Variants in NCAM2 observed in about 807,000 individuals in gnomAD.
NCAM2 encodes the protein neural cell adhesion molecule 2, also known as N-CAM-2.
NCAM2 carries 30 observed loss-of-function variants against 98.1 expected under a neutral mutation model. That is an observed-to-expected ratio of 0.31 (90% CI 0.23 to 0.41). NCAM2 has a LOEUF of 0.41. Among genes scored for constraint, NCAM2 ranks in the 10% least tolerant of loss-of-function variants. The pLI, the probability that NCAM2 is intolerant of heterozygous loss-of-function variation, is 1.00. For missense variants in NCAM2, 867 were observed against 1,005.8 expected (o/e 0.86, Z 1.87); for synonymous variants, 368 against 342.4 (o/e 1.07, Z -0.83).
At chr21:21,291,058 C>A (rs1368184695) in intron 4 of NCAM2, among the ~76,000 whole-genome samples, 1 of 151,326 alleles carries the variant, frequency 6.6e-6, no homozygotes, top group African/African-American at 2.4e-5. Context: ...CAAAGGTAAA[C>A]AATAGACTGT....
rs1377335511 is a variant in NCAM2 at position 21,403,406 on chromosome 21, A to T, written c.1196-6868A>T. Among the ~76,000 whole-genome samples, 3 of 152,182 alleles carry T rather than the reference A, an allele frequency of 2.0e-5. No homozygotes were observed. The East Asian group carries it at 5.8e-4, about 29-fold the overall frequency. The stretch of plus-strand genomic sequence containing the variant: ...AGTAATTTGCATGAAATAAACTACC[A>T]GTGATAATTTGGGACAGTGGTTGCC... On this transcript the variant is annotated intron_variant, in intron 9 of 17. Transcript: ENST00000400546.
intron 5 of NCAM2, among the ~76,000 whole-genome samples, chr21:21,293,849 G>A (rs1375738178): frequency 6.6e-6 from 1 of 151,230 alleles, no homozygotes; most frequent in African/African-American, 2.4e-5. Flanking sequence ...TGTTAAGTAC[G>A]TACTTATGAA....
chr21:21,175,537 A>G lies in NCAM2; in HGVS notation c.56-105041A>G, dbSNP rs2068257667. Among the ~76,000 whole-genome samples, 3 of 151,574 alleles carry G rather than the reference A, an allele frequency of 2.0e-5. No homozygotes were observed. The South Asian group carries it at 6.2e-4, about 31-fold the overall frequency. ...TACAGAGCGAGACTCCGTCTCAAAA[A>G]AAATAAAAAAAAATAAAATAATAAA... On this transcript the variant is annotated intron_variant, in intron 1 of 17. Transcript: ENST00000400546.
At chr21:21,379,920 A>G (rs912999746) in intron 9 of NCAM2, among the ~76,000 whole-genome samples, 3 of 152,276 alleles carry the variant, frequency 2.0e-5, no homozygotes, top group Admixed American at 6.6e-5. Context: ...TCCGAGTCCC[A>G]TAGCTGAAGA....
Position 21,508,838 on chromosome 21 carries a change from T to TAATAAAACA in NCAM2, c.2078-13_2078-12insAATAAAACA. 1 of 1,112,132 alleles carries TAATAAAACA rather than the reference T, an allele frequency of 9.0e-7. No individual in the cohort carries two copies. 68.9% of individuals were successfully genotyped at this position (1,112,132 alleles called of 1,614,324 possible). ...TTTTTTTTTTTTTTTTTTTTTTTTT[T>TAATAAAACA]TTACTTTTTAAGACACGCTGTTTAA... On this transcript the variant is annotated splice_polypyrimidine_tract_variant and intron_variant, in intron 15 of 17. Transcript: ENST00000400546.
At chr21:21,257,946 A>G (rs2071739764) in intron 1 of NCAM2, among the ~76,000 whole-genome samples, 1 of 152,222 alleles carries the variant, frequency 6.6e-6, no homozygotes, top group Non-Finnish European at 1.5e-5. Context: ...AGATCCACAT[A>G]TGTAGGCTTG....
At chr21:21,099,418 A>G (rs1340128319) in intron 1 of NCAM2, among the ~76,000 whole-genome samples, 1 of 151,900 alleles carries the variant, frequency 6.6e-6, no homozygotes, top group Non-Finnish European at 1.5e-5. Flanking sequence ...ACAGTTCTGC[A>G]TGACTGGGGA....
rs191230494 is a variant in NCAM2, at chr21:21,288,323, G to A, written c.481+1911G>A. 7.8e-4 allele frequency among the ~76,000 whole-genome samples: 118 copies of A among 151,910 alleles called. 1 individual carries two copies. The highest frequency in any genetic ancestry group is 2.6e-3 in the African/African-American group (108 of 41,494). Reference sequence around the variant, plus strand: ...GTTAAGTGAATGAATAAAATATATGGCTATATATTAGATTCTTAATAAATG... The same window carrying A: ...GTTAAGTGAATGAATAAAATATATGACTATATATTAGATTCTTAATAAATG... On this transcript the variant is annotated intron_variant, in intron 4 of 17. Transcript: ENST00000400546.
intron 1 of NCAM2, among the ~76,000 whole-genome samples, chr21:21,036,014 A>C (rs2064789937): frequency 6.6e-6 from 1 of 152,204 alleles, no homozygotes; most frequent in African/African-American, 2.4e-5. Flanking sequence ...TGCTTCCCAC[A>C]TAATTTAACA....
intron 5 of NCAM2, among the ~76,000 whole-genome samples, chr21:21,298,255 AT>A (rs2073565601): frequency 6.6e-6 from 1 of 151,774 alleles, no homozygotes; most frequent in African/African-American, 2.4e-5. Flanking sequence ...GAAAGAGTGA[AT>A]TTGTCTCTTG....
intron 1 of NCAM2, among the ~76,000 whole-genome samples, chr21:21,257,234 C>A (rs1311358650): frequency 6.6e-6 from 1 of 152,120 alleles, no homozygotes; most frequent in East Asian, 1.9e-4. Context: ...GGAATACAAC[C>A]AAATTTATCT....
chr21:21,446,076 C>T (rs1451288793), intron 12 of NCAM2, among the ~76,000 whole-genome samples: 1 of 151,874 alleles, frequency 6.6e-6, no homozygotes, highest in Non-Finnish European at 1.5e-5. Context: ...GATTTTTTTT[C>T]TCCTTCAGTT....
At chr21:21,177,159 CT>C (rs1345946091) in intron 1 of NCAM2, among the ~76,000 whole-genome samples, 2 of 152,036 alleles carry the variant, frequency 1.3e-5, no homozygotes, top group Non-Finnish European at 2.9e-5. Flanking sequence ...TTCAAGAAAT[CT>C]TTAGATACAG....
chr21:21,068,747 T>C lies in NCAM2; in HGVS notation c.55+70129T>C, dbSNP rs1338962235. 2.6e-5 allele frequency among the ~76,000 whole-genome samples: 4 copies of C among 152,200 alleles called. No homozygotes were observed. In the East Asian group the frequency reaches 7.7e-4, roughly 29 times the overall value. On this transcript the variant is annotated intron_variant, in intron 1 of 17. Coordinates refer to ENST00000400546, the MANE Select transcript of NCAM2 (RefSeq NM_004540.5). Reference sequence around the variant, plus strand: ...TATTGCATTTGTATGCAATGACCAATGACTTATCGTTATTACGCTCCTCTT... The same window carrying C: ...TATTGCATTTGTATGCAATGACCAACGACTTATCGTTATTACGCTCCTCTT...
rs114615741 is a variant in NCAM2, at chr21:21,289,325, C to T, written c.482-2779C>T. Among the ~76,000 whole-genome samples the T allele has an allele frequency of 5.4e-3, 818 of 151,838 alleles. 12 individuals are homozygous for T. Among genetic ancestry groups the T allele is most frequent in the African/African-American group, 0.019 (788 of 41,434 alleles). ...TCACTGCCTTCAAAATACTAAGAATCTAGAGGGAAAGATAAATAGGTAAAT... is the reference window on the plus strand; with the variant it reads ...TCACTGCCTTCAAAATACTAAGAATTTAGAGGGAAAGATAAATAGGTAAAT... On this transcript the variant is annotated intron_variant, in intron 4 of 17. Coordinates refer to ENST00000400546, the MANE Select transcript of NCAM2 (RefSeq NM_004540.5).
chr21:21,527,961 G>A (rs1486790737), intron 16 of NCAM2, among the ~76,000 whole-genome samples: 1 of 152,152 alleles, frequency 6.6e-6, no homozygotes, highest in East Asian at 1.9e-4. Context: ...TCCTTCAGTA[G>A]GTAAATGAAT....
intron 9 of NCAM2, among the ~76,000 whole-genome samples, chr21:21,381,473 T>G (rs2148091850): frequency 6.6e-6 from 1 of 152,312 alleles, no homozygotes; most frequent in South Asian, 2.1e-4. Context: ...TGATTTTAAT[T>G]TATATATTGG....
At position 21,064,312 on chromosome 21, in the gene NCAM2, G is replaced by A. The variant is rs541321129; in HGVS notation, c.55+65694G>A. ...CAGTCTAGCTATCTTAAAGAACAAT[G>A]TTAATCTTCATTCTGGCATTCATAA... On this transcript the variant is annotated intron_variant, in intron 1 of 17. Transcript: ENST00000400546. Among the ~76,000 whole-genome samples the A allele has an allele frequency of 1.1e-4, 16 of 152,286 alleles. No homozygotes were observed. The South Asian group carries it at 2.3e-3, about 22-fold the overall frequency.
At chr21:21,187,550 T>C (rs2146946909) in intron 1 of NCAM2, among the ~76,000 whole-genome samples, 1 of 152,078 alleles carries the variant, frequency 6.6e-6, no homozygotes, top group South Asian at 2.1e-4. Context: ...CATGGAGGGC[T>C]TTCAAAGGAG....
Sources: gnomAD v4.1 joint callset for allele counts (sites outside exome capture counted in the v4.1 genomes callset) on GRCh38, gnomAD v4.1.1 for gene constraint, MANE v1.5 for transcripts, NCBI Gene and HGNC (gene_info 2026-07-23, HGNC 2026-07-21) for gene names.